The following SRCIN1 variants were observed in gnomAD, a reference collection of about 807,000 sequenced individuals.
SRCIN1 encodes P130Cas-associated protein.
A neutral mutation model predicts 116.2 loss-of-function variants in SRCIN1; 50 were observed. The observed-to-expected ratio is 0.43, with a 90% confidence interval of 0.34 to 0.54. SRCIN1 has a LOEUF of 0.54. SRCIN1 is among the 20% of genes least tolerant of loss of function. The pLI is 0.02. For missense variants in SRCIN1, 1,446 were observed against 1,672.0 expected (o/e 0.86, Z 2.36); for synonymous variants, 736 against 750.0 (o/e 0.98, Z 0.30).
At position 38,572,517 on chromosome 17, in the gene SRCIN1, C is replaced by A. The variant is rs1907152875; in HGVS notation, c.325-4286G>T. Among the ~76,000 whole-genome samples, 1 of 151,926 alleles carries A rather than the reference C, an allele frequency of 6.6e-6. No homozygotes were observed. The highest frequency in any genetic ancestry group is 1.9e-4 in the East Asian group (1 of 5,132). ...TAATGCGGTGGGGGAGGGGAGGAGG[C>A]GTTTCTCAGGGATCGGGAACCTGCA... On this transcript the variant is annotated intron_variant, in intron 2 of 18. Coordinates refer to ENST00000617146, the MANE Select transcript of SRCIN1 (RefSeq NM_025248.3). The surrounding 1 kb of genome is among the most constrained non-coding windows in gnomAD (Gnocchi z 4.3).
intron 1 of SRCIN1, among the ~76,000 whole-genome samples, chr17:38,581,735 A>C (rs1907835122): frequency 6.6e-6 from 1 of 152,228 alleles, no homozygotes; most frequent in Admixed American, 6.5e-5. Flanking sequence ...CTGAGGGCCC[A>C]GTCCCTGTCT....
At chr17:38,571,070 G>C (rs974109428) in intron 2 of SRCIN1, among the ~76,000 whole-genome samples, 2 of 152,206 alleles carry the variant, frequency 1.3e-5, no homozygotes, top group African/African-American at 2.4e-5. Context: ...CAGTGTCTCT[G>C]GCGAAGAGAA....
intron 3 of SRCIN1, among the ~76,000 whole-genome samples, chr17:38,567,370 G>A (rs907631218): frequency 5.3e-5 from 8 of 152,232 alleles, no homozygotes; most frequent in Non-Finnish European, 1.2e-4. Context: ...TTGGGTCCAT[G>A]CGCTTAACCA....
rs1567890182 is a variant in SRCIN1 at position 38,604,534 on chromosome 17, G to A, written c.22+1150C>T. 4.4e-6 allele frequency: 2 copies of A among 455,042 alleles called. No individual in the cohort carries two copies. Among genetic ancestry groups the A allele is most frequent in the Non-Finnish European group, 8.8e-6 (2 of 226,430 alleles). The allele number at this position is 455,042 out of a possible 1,614,324, so 28.2% of individuals were successfully genotyped here. On this transcript the variant is annotated intron_variant, in intron 1 of 18. Transcript: ENST00000617146. This position sits in a 1 kb window ranked among gnomAD's most constrained non-coding sequence, Gnocchi z 4.3. ...GTCCAGCCTCCTCCCTGGGAGAGCG[G>A]GCTCTGCCCTCCGCCGTCCTCTCCC...
chr17:38,563,572 C>T lies in SRCIN1; in HGVS notation c.542-51G>A. On this transcript the variant is annotated intron_variant, in intron 4 of 18. Transcript: ENST00000617146. The surrounding 1 kb of genome is among the most constrained non-coding windows in gnomAD (Gnocchi z 5.8). The stretch of plus-strand genomic sequence containing the variant: ...GTCACTGCTGCCGTCTCCACGCCGC[C>T]CTCCAGGAGAGCGCGGGGAGCTTTT... 1 of 1,537,628 alleles carries T rather than the reference C, an allele frequency of 6.5e-7. No individual in the cohort carries two copies. Among genetic ancestry groups the T allele is most frequent in the South Asian group, 1.2e-5 (1 of 84,022 alleles).
At chr17:38,586,782 A>G (rs77354157) in intron 1 of SRCIN1, among the ~76,000 whole-genome samples, 1 of 152,316 alleles carries the variant, frequency 6.6e-6, no homozygotes, top group East Asian at 1.9e-4. Context: ...AACACAAACC[A>G]ATTTGTGCAG....
chr17:38,554,003 G>A, intron 11 of SRCIN1, among the ~76,000 whole-genome samples: 1 of 152,198 alleles, frequency 6.6e-6, no homozygotes. Flanking sequence ...CCTGAGGTCA[G>A]GGGTTCGAGA....
chr17:38,559,494 T>G, intron 10 of SRCIN1, 91 bp downstream of exon 10: 3 of 1,327,788 alleles, frequency 2.3e-6, no homozygotes, highest in Non-Finnish European at 3.1e-6. Context: ...GGGAAAAGGA[T>G]GAGGTAGTAG....
intron 2 of SRCIN1, among the ~76,000 whole-genome samples, chr17:38,569,503 G>A (rs1906938335): frequency 6.6e-6 from 1 of 152,142 alleles, no homozygotes; most frequent in African/African-American, 2.4e-5. Context: ...GAGTTGGAAG[G>A]GGCTGAGTCG....
In SRCIN1 at chr17:38,604,465, C is replaced by T. The variant is rs1472194541; in HGVS notation, c.22+1219G>A. The T allele has an allele frequency of 6.6e-6, 3 of 453,062 alleles. No homozygotes were observed. The highest frequency in any genetic ancestry group is 4.0e-5 in the African/African-American group (2 of 49,632). 28.1% of individuals were successfully genotyped at this position (453,062 alleles called of 1,614,324 possible). A position where few individuals can be genotyped will look rare whatever the true frequency, so the allele number is the denominator to read the frequency against. ...AAGATCCCCCTCCTTGCATACTTCCCCGCGCCTGCTCACCTGGCTCCCCTC... is the reference window on the plus strand; with the variant it reads ...AAGATCCCCCTCCTTGCATACTTCCTCGCGCCTGCTCACCTGGCTCCCCTC... On this transcript the variant is annotated intron_variant, in intron 1 of 18. Coordinates refer to ENST00000617146, the MANE Select transcript of SRCIN1 (RefSeq NM_025248.3). The surrounding 1 kb of genome is among the most constrained non-coding windows in gnomAD (Gnocchi z 4.3).
At chr17:38,561,164 T>C (rs565323449) in intron 7 of SRCIN1, among the ~76,000 whole-genome samples, 2 of 152,296 alleles carry the variant, frequency 1.3e-5, no homozygotes, top group South Asian at 2.1e-4. Flanking sequence ...AATTTTACAG[T>C]TGGGGAAACC....
Position 38,538,754 on chromosome 17 carries a change from C to T in SRCIN1, c.3417+5069G>A, listed in dbSNP as rs1597878286. Among the ~76,000 whole-genome samples, 4 of 152,208 alleles carry T rather than the reference C, an allele frequency of 2.6e-5. No individual in the cohort carries two copies. In the South Asian group the frequency reaches 8.3e-4, roughly 31 times the overall value. ...TCTCATCGAGGCTTGCTCACACCCA[C>T]GAGGTTATGCTCCCTGGCAGGGCAA... On this transcript the variant is annotated intron_variant, in intron 18 of 18. Coordinates refer to ENST00000617146, the MANE Select transcript of SRCIN1 (RefSeq NM_025248.3).
At chr17:38,537,237 A>C (rs1381880672) in intron 18 of SRCIN1, among the ~76,000 whole-genome samples, 1 of 152,116 alleles carries the variant, frequency 6.6e-6, no homozygotes, top group Non-Finnish European at 1.5e-5. Flanking sequence ...TTGGTGGCTC[A>C]TGCCTGTAAT....
In SRCIN1 at chr17:38,531,767, C is replaced by G. The variant is rs557418985; in HGVS notation, c.*1530G>C. 1 of 152,714 alleles carries G rather than the reference C, an allele frequency of 6.5e-6. No individual in the cohort carries two copies. Among genetic ancestry groups the G allele is most frequent in the Non-Finnish European group, 1.5e-5 (1 of 68,026 alleles). 9.5% of individuals were successfully genotyped at this position (152,714 alleles called of 1,614,324 possible). ...CAAACCTTCAACAGCTCCCAGCTCT[C>G]CCCAGGTGCGGACCTTCCCCAGCCA... On this transcript the variant is annotated 3_prime_UTR_variant, in exon 19 of 19. Coordinates refer to ENST00000617146, the MANE Select transcript of SRCIN1 (RefSeq NM_025248.3).
chr17:38,605,572 G>C, intron 1 of SRCIN1, 112 bp downstream of exon 1: 2 of 820,872 alleles, frequency 2.4e-6, no homozygotes, highest in Non-Finnish European at 3.4e-6. Context: ...CCGCCTCCCC[G>C]GCCCGGCCGC....
At position 38,562,417 on chromosome 17, in the gene SRCIN1, C is replaced by T; in HGVS notation, c.835-89G>A. 2 of 1,346,748 alleles carry T rather than the reference C, an allele frequency of 1.5e-6. No homozygotes were observed. Among genetic ancestry groups the T allele is most frequent in the South Asian group, 1.6e-5 (1 of 60,726 alleles). The allele number at this position is 1,346,748 out of a possible 1,614,324, so 83.4% of individuals were successfully genotyped here. ...TGAGGAGCCAGCATCTCCTCCCTGACGCTTAGGAAGTCCCTTCTGCTCTCT... is the reference window on the plus strand; with the variant it reads ...TGAGGAGCCAGCATCTCCTCCCTGATGCTTAGGAAGTCCCTTCTGCTCTCT... On this transcript the variant is annotated intron_variant, in intron 6 of 18. Coordinates refer to ENST00000617146, the MANE Select transcript of SRCIN1 (RefSeq NM_025248.3). This position sits in a 1 kb window ranked among gnomAD's most constrained non-coding sequence, Gnocchi z 4.2.
chr17:38,542,849 T>G, intron 18 of SRCIN1: 1 of 321,528 alleles, frequency 3.1e-6, no homozygotes, highest in Non-Finnish European at 6.2e-6. Context: ...TCTAACCTCT[T>G]GCCTCTGAGT....
chr17:38,578,575 C>T lies in SRCIN1; in HGVS notation c.239G>A (p.Arg80His). The change falls in exon 2 of 19, where the codon CGT (arginine) becomes CAT (histidine). Residue 80 changes from arginine to histidine, a missense_variant. Transcript: ENST00000617146. ...GLQKADADRK[R>H]DAFMDHLKSK... ...CTTCAGGTGGTCCATGAAGGCATCA[C>T]GCTTGCGGTCGGCGTCCGCCTTCTG... 6.2e-7 allele frequency: 1 copy of T among 1,612,272 alleles called. No individual in the cohort carries two copies. The highest frequency in any genetic ancestry group is 8.5e-7 in the Non-Finnish European group (1 of 1,178,974).
chr17:38,584,348 T>G (rs1381158715), intron 1 of SRCIN1, among the ~76,000 whole-genome samples: 1 of 152,160 alleles, frequency 6.6e-6, no homozygotes, highest in Non-Finnish European at 1.5e-5. Context: ...TGACTATATT[T>G]TTTGAGTCCG....
Sources: allele counts gnomAD v4.1 joint callset (sites outside exome capture counted in the v4.1 genomes callset), GRCh38; gene constraint gnomAD v4.1.1; non-coding constraint Gnocchi (gnomAD v3.1); transcripts MANE v1.5; gene names NCBI Gene and HGNC (gene_info 2026-07-23, HGNC 2026-07-21).